Variants in RUNX1 observed in about 807,000 individuals in gnomAD.
RUNX1 encodes RUNX family transcription factor 1, also known as runt-related transcription factor 1.
Under a neutral mutation model 42.8 loss-of-function variants are expected in RUNX1, and 19 were observed. The ratio of observed to expected loss-of-function variants is 0.44; its 90% CI spans 0.31 to 0.65. The LOEUF is 0.65. RUNX1 is among the 30% of genes least tolerant of loss of function. The pLI is 0.07. For synonymous variants in RUNX1, 271 were observed against 289.4 expected, an observed-to-expected ratio of 0.94 and a Z score of 0.64; for missense variants, 528 against 672.0, an observed-to-expected ratio of 0.79 and a Z score of 2.37.
chr21:34,967,144 C>T (rs2058724969), intron 2 of RUNX1, among the ~76,000 whole-genome samples: 1 of 150,598 alleles, frequency 6.6e-6, no homozygotes, highest in Non-Finnish European at 1.5e-5. Flanking sequence ...CATAGTGAAA[C>T]CCTATCTCTA....
chr21:34,836,247 A>G (rs1344349957), intron 6 of RUNX1, among the ~76,000 whole-genome samples: 1 of 152,254 alleles, frequency 6.6e-6, no homozygotes, highest in East Asian at 1.9e-4. Context: ...ACGCAGGCTC[A>G]GCATGCATGT....
At chr21:34,965,634 T>C (rs906656120) in intron 2 of RUNX1, among the ~76,000 whole-genome samples, 3 of 152,250 alleles carry the variant, frequency 2.0e-5, no homozygotes, top group African/African-American at 4.8e-5. Flanking sequence ...CCTTGTTTAC[T>C]TTCTGTGGAG....
At chr21:35,040,694 G>A (rs144893283) in intron 2 of RUNX1, among the ~76,000 whole-genome samples, 39 of 149,782 alleles carry the variant, frequency 2.6e-4, no homozygotes, top group African/African-American at 8.9e-4. Context: ...ATGGCTGAAC[G>A]TGGGAGGCGG....
At chr21:34,883,718 A>G (rs908098984) in intron 4 of RUNX1, among the ~76,000 whole-genome samples, 1 of 152,190 alleles carries the variant, frequency 6.6e-6, no homozygotes, top group African/African-American at 2.4e-5. Flanking sequence ...ACTCTCTTCT[A>G]TATTACATGG....
intron 2 of RUNX1, among the ~76,000 whole-genome samples, chr21:34,905,440 G>A (rs9975894): frequency 0.027 from 4,096 of 152,278 alleles, 135 homozygotes; most frequent in Middle Eastern, 0.085. Flanking sequence ...ACGTTATTAT[G>A]TGTAAGCTTT....
At chr21:34,893,490 A>G (rs764681660) in intron 2 of RUNX1, among the ~76,000 whole-genome samples, 11 of 152,216 alleles carry the variant, frequency 7.2e-5, no homozygotes, top group Non-Finnish European at 1.5e-4. Flanking sequence ...AATTATTATT[A>G]GAAATAATTG....
At chr21:34,856,302 A>T in intron 6 of RUNX1, 1 of 514,716 alleles carries the variant, frequency 1.9e-6, no homozygotes, top group Non-Finnish European at 3.9e-6. Context: ...CGCATACCTC[A>T]AGTCAAAGGC....
chr21:34,849,734 C>T (rs1218523309), intron 6 of RUNX1, among the ~76,000 whole-genome samples: 4 of 150,174 alleles, frequency 2.7e-5, no homozygotes, highest in Non-Finnish European at 4.4e-5. Flanking sequence ...TTCTGTATTG[C>T]CAACTTTTCA....
intron 6 of RUNX1, among the ~76,000 whole-genome samples, chr21:34,842,886 G>A (rs2057260993): frequency 1.3e-5 from 2 of 152,204 alleles, no homozygotes; most frequent in Admixed American, 1.3e-4. Context: ...AGCCAGTATG[G>A]TGAAACCCCA....
At chr21:35,011,193 A>G (rs1438161051) in intron 2 of RUNX1, among the ~76,000 whole-genome samples, 1 of 152,216 alleles carries the variant, frequency 6.6e-6, no homozygotes, top group East Asian at 1.9e-4. Context: ...GTGCACCTGC[A>G]AGCACTGCTG....
At chr21:34,953,971 T>C (rs2058627191) in intron 2 of RUNX1, among the ~76,000 whole-genome samples, 1 of 152,112 alleles carries the variant, frequency 6.6e-6, no homozygotes, top group Non-Finnish European at 1.5e-5. Flanking sequence ...TGATGGCAAG[T>C]TGGTTGCAAA....
At chr21:34,879,708 T>C (rs1344301306) in intron 5 of RUNX1, among the ~76,000 whole-genome samples, 1 of 152,194 alleles carries the variant, frequency 6.6e-6, no homozygotes, top group East Asian at 1.9e-4. Context: ...CTCCCTCAAC[T>C]AAACTTTTAC....
intron 2 of RUNX1, among the ~76,000 whole-genome samples, chr21:34,965,196 G>A (rs7276908): frequency 0.63 from 95,801 of 151,612 alleles, 31,375 homozygotes; most frequent in African/African-American, 0.81. Context: ...ATATGCTCCC[G>A]CACGTGCACA....
intron 3 of RUNX1, chr21:34,887,394 C>T: frequency 7.1e-7 from 1 of 1,402,906 alleles, no homozygotes; most frequent in Non-Finnish European, 9.3e-7. Flanking sequence ...AGACTATCTT[C>T]CACGAATCTT....
chr21:34,998,427 C>T (rs1378066793), intron 2 of RUNX1, among the ~76,000 whole-genome samples: 1 of 152,186 alleles, frequency 6.6e-6, no homozygotes, highest in Non-Finnish European at 1.5e-5. Flanking sequence ...CCTTCATCCT[C>T]CTCCTCAGAG....
chr21:34,886,029 G>A (rs1384666806), intron 4 of RUNX1, among the ~76,000 whole-genome samples: 1 of 152,224 alleles, frequency 6.6e-6, no homozygotes, highest in East Asian at 1.9e-4. Context: ...GGGGTGAAAA[G>A]TGAAGGGAGA....
At chr21:35,012,602 C>A (rs958514173) in intron 2 of RUNX1, among the ~76,000 whole-genome samples, 1 of 152,076 alleles carries the variant, frequency 6.6e-6, no homozygotes, top group Non-Finnish European at 1.5e-5. Flanking sequence ...ATTAGTGACC[C>A]ACAGGTTTGA....
intron 2 of RUNX1, among the ~76,000 whole-genome samples, chr21:34,942,725 C>A (rs968833414): frequency 1.3e-5 from 2 of 152,164 alleles, no homozygotes; most frequent in Non-Finnish European, 2.9e-5. Flanking sequence ...ACACCAGATG[C>A]CCCTCTCTTG....
chr21:34,888,326 G>C, intron 3 of RUNX1: 1 of 1,067,508 alleles, frequency 9.4e-7, no homozygotes, highest in Non-Finnish European at 1.1e-6. Context: ...ACACACGCAC[G>C]CACATCCTGC....
Sources: allele counts gnomAD v4.1 joint callset (sites outside exome capture counted in the v4.1 genomes callset), GRCh38; gene constraint gnomAD v4.1.1; transcripts MANE v1.5; gene names NCBI Gene and HGNC (gene_info 2026-07-23, HGNC 2026-07-21).